Variants in ERCC8 observed in about 807,000 individuals in gnomAD.
ERCC8 encodes the protein ERCC excision repair 8, CSA ubiquitin ligase complex subunit.
Under a neutral mutation model 54.9 loss-of-function variants are expected in ERCC8, and 52 were observed. The observed-to-expected ratio is 0.95, with a 90% CI of 0.76 to 1.19. The LOEUF is 1.19. ERCC8 is among the 50% of genes most tolerant of loss of function. The pLI is 0.00. For synonymous variants in ERCC8, 146 were observed against 157.2 expected (o/e 0.93, Z 0.53); for missense variants, 514 against 466.1 (o/e 1.10, Z -0.95).
At chr5:60,903,758 C>A (rs1260578175) in intron 5 of ERCC8, 42 bp from the exon 6 acceptor site, 2 of 1,591,750 alleles carry the variant, frequency 1.3e-6, no homozygotes, top group African/African-American at 1.3e-5. Flanking sequence ...TATCATAAGT[C>A]ATCATCAAAA....
chr5:60,899,496 C>A (rs867667784), intron 8 of ERCC8, 131 bp downstream of exon 8: 1 of 671,150 alleles, frequency 1.5e-6, no homozygotes, highest in African/African-American at 1.8e-5. Flanking sequence ...AAGTGATATA[C>A]GATGAATGCC....
intron 7 of ERCC8, among the ~76,000 whole-genome samples, chr5:60,901,445 C>T (rs1748901344): frequency 6.6e-6 from 1 of 151,980 alleles, no homozygotes; most frequent in Admixed American, 6.6e-5. Context: ...AATCAGCTCC[C>T]TCACTCTTTC....
intron 11 of ERCC8, among the ~76,000 whole-genome samples, chr5:60,884,625 C>T (rs1748344006): frequency 6.8e-6 from 1 of 146,260 alleles, no homozygotes; most frequent in Admixed American, 6.9e-5. Context: ...CACTTTTAAA[C>T]ATGGCTTAAA....
intron 9 of ERCC8, among the ~76,000 whole-genome samples, chr5:60,895,249 T>C (rs1332186870): frequency 4.6e-5 from 7 of 151,426 alleles, no homozygotes; most frequent in African/African-American, 1.2e-4. Context: ...TGTATATATA[T>C]ACATAAATAA....
chr5:60,886,911 T>C (rs1490643954), intron 11 of ERCC8, among the ~76,000 whole-genome samples: 3 of 152,058 alleles, frequency 2.0e-5, no homozygotes, highest in East Asian at 1.9e-4. Flanking sequence ...TAGGTAAATA[T>C]TTGAATTGCT....
At chr5:60,933,291 T>C (rs1749968860) in intron 1 of ERCC8, among the ~76,000 whole-genome samples, 1 of 141,700 alleles carries the variant, frequency 7.1e-6, no homozygotes, top group Admixed American at 7.8e-5. Flanking sequence ...CAATCTCGGC[T>C]CACTGCAACC....
chr5:60,925,454 G>A (rs1749719334), intron 2 of ERCC8, among the ~76,000 whole-genome samples: 1 of 152,128 alleles, frequency 6.6e-6, no homozygotes, highest in Non-Finnish European at 1.5e-5. Flanking sequence ...AGCTCCTTCT[G>A]GTCTTACCAT....
At chr5:60,931,217 C>T (rs762844822) in intron 1 of ERCC8, among the ~76,000 whole-genome samples, 1 of 152,044 alleles carries the variant, frequency 6.6e-6, no homozygotes, top group African/African-American at 2.4e-5. Context: ...AATGCATCTC[C>T]TGATTATAAG....
At chr5:60,935,087 T>G (rs992244509) in intron 1 of ERCC8, among the ~76,000 whole-genome samples, 3 of 152,168 alleles carry the variant, frequency 2.0e-5, no homozygotes, top group Non-Finnish European at 4.4e-5. Context: ...ATGGTGGTAT[T>G]TGATGGAAGT....
Position 60,905,877 on chromosome 5 carries a change from G to A in ERCC8, c.400-1004C>T, listed in dbSNP as rs77082648. Reference sequence around the variant, plus strand: ...AAAGGTAGTTTGGGGGAAGGGGTGGGAGTGGTTAGATGATGAATAGATGCT... The same window carrying A: ...AAAGGTAGTTTGGGGGAAGGGGTGGAAGTGGTTAGATGATGAATAGATGCT... On this transcript the variant is annotated intron_variant, in intron 4 of 11. Transcript: ENST00000676185. Among the ~76,000 whole-genome samples the A allele has an allele frequency of 9.2e-3, 1,403 of 152,220 alleles. 9 individuals are homozygous for A. The highest frequency in any genetic ancestry group is 0.014 in the Non-Finnish European group (927 of 68,022).
intron 1 of ERCC8, among the ~76,000 whole-genome samples, chr5:60,944,618 T>C: frequency 6.6e-6 from 1 of 152,096 alleles, no homozygotes; most frequent in African/African-American, 2.4e-5. Context: ...GCAGTTATTC[T>C]TTGGAGTAAC....
intron 1 of ERCC8, among the ~76,000 whole-genome samples, chr5:60,938,270 G>A (rs1750148288): frequency 6.7e-6 from 1 of 150,054 alleles, no homozygotes; most frequent in Admixed American, 6.6e-5. Context: ...ATGAGGTGGT[G>A]GTGATGTTAC....
rs1206834804 is a variant in ERCC8 at position 60,868,259 on chromosome 5, A to G, written c.*6356T>C. 6.6e-6 allele frequency among the ~76,000 whole-genome samples: 1 copy of G among 152,202 alleles called. No homozygotes were observed. The highest frequency in any genetic ancestry group is 1.5e-5 in the Non-Finnish European group (1 of 68,026). On this transcript the variant is annotated 3_prime_UTR_variant, in exon 12 of 12. Coordinates refer to ENST00000676185, the MANE Select transcript of ERCC8 (RefSeq NM_000082.4). Reference sequence around the variant, plus strand: ...CTTAATGAACTTAGTCTTAACATTGACTTAATTGTGTTTTTAGAGACAGAA... The same window carrying G: ...CTTAATGAACTTAGTCTTAACATTGGCTTAATTGTGTTTTTAGAGACAGAA...
In ERCC8 at chr5:60,868,761, G is replaced by GA. The variant is rs1747804612; in HGVS notation, c.*5853dup. Among the ~76,000 whole-genome samples, 1 of 152,098 alleles carries GA rather than the reference G, an allele frequency of 6.6e-6. No individual in the cohort carries two copies. The highest frequency in any genetic ancestry group is 1.5e-5 in the Non-Finnish European group (1 of 67,988). The stretch of plus-strand genomic sequence containing the variant: ...CTACACACATATTCTTTGCAAAGAA[G>GA]AAAAAATGTTTATGATTAAACTTCG... On this transcript the variant is annotated 3_prime_UTR_variant, in exon 12 of 12. Coordinates refer to ENST00000676185, the MANE Select transcript of ERCC8 (RefSeq NM_000082.4).
At chr5:60,910,590 C>G (rs1208318230) in intron 4 of ERCC8, among the ~76,000 whole-genome samples, 2 of 151,888 alleles carry the variant, frequency 1.3e-5, no homozygotes, top group Admixed American at 1.3e-4. Context: ...TCGGAATAGT[C>G]TTGTATATTT....
Position 60,938,095 on chromosome 5 carries a change from T to A in ERCC8, c.77+6837A>T, listed in dbSNP as rs568192190. On this transcript the variant is annotated intron_variant, in intron 1 of 11. Transcript: ENST00000676185. ...TATATATATATATATATTTTATTTT[T>A]TTTTTTTTTAGGTTACGAAGTTTCA... Among the ~76,000 whole-genome samples the A allele has an allele frequency of 7.0e-3, 954 of 136,698 alleles. 10 individuals are homozygous for A. Among genetic ancestry groups the A allele is most frequent in the African/African-American group, 0.022 (834 of 37,092 alleles). 89.7% of individuals were successfully genotyped at this position (136,698 alleles called of 152,430 possible).
rs1407354664 is a variant in ERCC8, at chr5:60,869,592, T to C, written c.*5023A>G. Reference sequence around the variant, plus strand: ...TGGACACAAGGAACACTTCAGTTCATGGGATAACTTTTTTTCTCTATTAAG... The same window carrying C: ...TGGACACAAGGAACACTTCAGTTCACGGGATAACTTTTTTTCTCTATTAAG... On this transcript the variant is annotated 3_prime_UTR_variant, in exon 12 of 12. Transcript: ENST00000676185. Among the ~76,000 whole-genome samples the C allele has an allele frequency of 1.3e-5, 2 of 152,160 alleles. No homozygotes were observed. The highest frequency in any genetic ancestry group is 2.4e-5 in the African/African-American group (1 of 41,444).
At chr5:60,926,033 C>T (rs1253739397) in intron 2 of ERCC8, among the ~76,000 whole-genome samples, 3 of 152,066 alleles carry the variant, frequency 2.0e-5, no homozygotes, top group Non-Finnish European at 2.9e-5. Flanking sequence ...CCACGTTGGC[C>T]AGGCTGGTCT....
intron 11 of ERCC8, among the ~76,000 whole-genome samples, chr5:60,885,202 T>TG (rs1225218680): frequency 9.2e-5 from 14 of 151,920 alleles, no homozygotes; most frequent in Non-Finnish European, 4.4e-5. Context: ...TTTGTAGAGA[T>TG]GGGGTCTTTC....
Sources: gnomAD v4.1 joint callset for allele counts (sites outside exome capture counted in the v4.1 genomes callset) on GRCh38, gnomAD v4.1.1 for gene constraint, MANE v1.5 for transcripts, NCBI Gene and HGNC (gene_info 2026-07-23, HGNC 2026-07-21) for gene names.